ADAT3: variants seen among roughly 807,000 people sequenced by gnomAD.
ADAT3 encodes tRNA-specific adenosine-34 deaminase regulatory subunit ADAT3.
ADAT3 carries 2 observed loss-of-function variants against 3.5 expected under a neutral mutation model. The observed-to-expected ratio is 0.57, with a 90% CI of 0.23 to 1.79. The LOEUF (loss-of-function observed/expected upper bound fraction) is 1.79. Ranked by LOEUF, ADAT3 falls within the 40% of genes most tolerant of loss-of-function variation. ADAT3 has a pLI of 0.18. For missense variants in ADAT3, 735 were observed against 571.4 expected, an observed-to-expected ratio of 1.29 and a Z score of -2.92; for synonymous variants, 358 against 270.3, an observed-to-expected ratio of 1.32 and a Z score of -3.18.
At chr19:1,910,578 TTTTTTTTTTTTTTTTTTGA>T (rs1432626028) in intron 1 of ADAT3, among the ~76,000 whole-genome samples, 1 of 137,898 alleles carries the variant, frequency 7.3e-6, no homozygotes, top group Non-Finnish European at 1.5e-5. Context: ...GAGGTGTCTT[TTTTTTTTTTTTTTTTTTGA>T]GACAGAGTCT....
Position 1,913,168 on chromosome 19 carries a change from T to C in ADAT3, c.*17T>C, listed in dbSNP as rs2013590089. 6 of 1,502,956 alleles carry C rather than the reference T, an allele frequency of 4.0e-6. No homozygotes were observed. The highest frequency in any genetic ancestry group is 4.4e-6 in the Non-Finnish European group (5 of 1,127,164). The allele number at this position is 1,502,956 out of a possible 1,614,324, so 93.1% of individuals were successfully genotyped here. On this transcript the variant is annotated 3_prime_UTR_variant, in exon 2 of 2. Transcript: ENST00000329478. Reference sequence around the variant, plus strand: ...GACACGTAGGCGCCGCCCTCCTGCCTCCGGACCCTTCCCGCTCCCGGCCGT... The same window carrying C: ...GACACGTAGGCGCCGCCCTCCTGCCCCCGGACCCTTCCCGCTCCCGGCCGT...
In ADAT3 at chr19:1,912,242, C is replaced by A; in HGVS notation, c.195C>A (p.Pro65=). The A allele has an allele frequency of 6.3e-7, 1 of 1,596,896 alleles. No homozygotes were observed. Among genetic ancestry groups the A allele is most frequent in the East Asian group, 2.3e-5 (1 of 44,006 alleles). ...DVELVLAYAA[P]VLDKRQTSRL... ...AGCTGGTGCTGGCCTACGCCGCGCC[C>A]GTCCTGGACAAGCGCCAGACCTCAC... The change falls in exon 2 of 2, where the codon CCC becomes CCA. Residue 65 remains proline, a synonymous_variant. Transcript: ENST00000329478.
At position 1,913,436 on chromosome 19, in the gene ADAT3, G is replaced by T; in HGVS notation, c.*285G>T. 1 of 545,534 alleles carries T rather than the reference G, an allele frequency of 1.8e-6. No homozygotes were observed. The highest frequency in any genetic ancestry group is 3.3e-6 in the Non-Finnish European group (1 of 299,964). The allele number at this position is 545,534 out of a possible 1,614,324, so 33.8% of individuals were successfully genotyped here. Reference sequence around the variant, plus strand: ...AACTGCTCTGATGGGAAAATAAACAGCCCAAAACCAAGTGGGTGTCTGTTA... The same window carrying T: ...AACTGCTCTGATGGGAAAATAAACATCCCAAAACCAAGTGGGTGTCTGTTA... On this transcript the variant is annotated 3_prime_UTR_variant, in exon 2 of 2. Coordinates refer to ENST00000329478, the MANE Select transcript of ADAT3 (RefSeq NM_138422.4).
Position 1,912,027 on chromosome 19 carries a change from CCAGCCGCCCG to C in ADAT3, c.-12_-3del. ...CCGGGACGGACTCCCCGGCTCTCCC[CCAGCCGCCCG>C]CAGCCGCCGGATGATCCTCTGCTCC... On this transcript the variant is annotated 5_prime_UTR_variant, in exon 2 of 2. Coordinates refer to ENST00000329478, the MANE Select transcript of ADAT3 (RefSeq NM_138422.4). The C allele has an allele frequency of 2.8e-6, 4 of 1,417,882 alleles. No homozygotes were observed. Among genetic ancestry groups the C allele is most frequent in the Non-Finnish European group, 3.7e-6 (4 of 1,092,574 alleles). 87.8% of individuals were successfully genotyped at this position (1,417,882 alleles called of 1,614,324 possible).
chr19:1,908,083 C>T lies in ADAT3; in HGVS notation c.-159+2644C>T. 1 of 183,472 alleles carries T rather than the reference C, an allele frequency of 5.5e-6. No homozygotes were observed. The highest frequency in any genetic ancestry group is 9.6e-5 in the South Asian group (1 of 10,368). 11.4% of individuals were successfully genotyped at this position (183,472 alleles called of 1,614,324 possible). ...CAAGCGAGGCTGTGTTTGTCTTTTA[C>T]CCTGGAGACAGTGGAGTGTTTGTGG... On this transcript the variant is annotated intron_variant, in intron 1 of 1. Transcript: ENST00000329478. This position sits in a 1 kb window ranked among gnomAD's most constrained non-coding sequence, Gnocchi z 4.2.
rs2013606799 is a variant in ADAT3 at position 1,913,396 on chromosome 19, T to G, written c.*245T>G. On this transcript the variant is annotated 3_prime_UTR_variant, in exon 2 of 2. Transcript: ENST00000329478. ...CCTTGCTGCGTTTGTGTCCCCTCTG[T>G]CTCGCGGGCCGGGAAACTGCTCTGA... 8.2e-6 allele frequency: 5 copies of G among 608,780 alleles called. No homozygotes were observed. Among genetic ancestry groups the G allele is most frequent in the Non-Finnish European group, 1.4e-5 (5 of 345,612 alleles). The allele number at this position is 608,780 out of a possible 1,614,324, so 37.7% of individuals were successfully genotyped here.
chr19:1,911,066 G>T (rs536426587), intron 1 of ADAT3, among the ~76,000 whole-genome samples: 6 of 152,042 alleles, frequency 3.9e-5, no homozygotes, highest in African/African-American at 1.4e-4. Flanking sequence ...TAGTAGAGAC[G>T]GGGTTTCACC....
chr19:1,907,187 A>T (rs943112805), intron 1 of ADAT3: 6 of 151,372 alleles, frequency 4.0e-5, no homozygotes, highest in African/African-American at 1.5e-4. Context: ...ACTGTCCCAA[A>T]AAAAAAAAAG....
intron 1 of ADAT3, 83 bp downstream of exon 1, chr19:1,905,522 G>A: frequency 5.5e-6 from 2 of 361,706 alleles, no homozygotes; most frequent in South Asian, 3.6e-5. Flanking sequence ...GGGGGGTCTC[G>A]GCGGTGAGGG....
At position 1,912,414 on chromosome 19, in the gene ADAT3, G is replaced by T; in HGVS notation, c.367G>T (p.Ala123Ser). ...AGPASGPRSL[A>S]ELLPRPAVDP... ...GCCGGCCTCGGGCCCGCGCTCGCTG[G>T]CTGAGCTCCTGCCACGGCCGGCTGT... The change falls in exon 2 of 2, where the codon GCT becomes TCT. Residue 123 changes from alanine to serine, a missense_variant. Coordinates refer to ENST00000329478, the MANE Select transcript of ADAT3 (RefSeq NM_138422.4). 1 of 1,513,592 alleles carries T rather than the reference G, an allele frequency of 6.6e-7. No individual in the cohort carries two copies. Among genetic ancestry groups the T allele is most frequent in the Non-Finnish European group, 8.8e-7 (1 of 1,138,190 alleles). 93.8% of individuals were successfully genotyped at this position (1,513,592 alleles called of 1,614,324 possible).
rs770769059 is a variant in ADAT3 at position 1,912,205 on chromosome 19, CAG to C, written c.159_160del (p.Asp55ArgfsTer69). ...CTCCCTGTCCTGTCCGAGAAGCAGT[CAG>C]GGGACGTGGAGCTGGTGCTGGCCTA... On this transcript the variant is annotated frameshift_variant, in exon 2 of 2. Coordinates refer to ENST00000329478, the MANE Select transcript of ADAT3 (RefSeq NM_138422.4). LOFTEE classifies it low-confidence loss of function (END_TRUNC). 6.9e-6 allele frequency: 11 copies of C among 1,589,806 alleles called. No individual in the cohort carries two copies. The highest frequency in any genetic ancestry group is 4.0e-5 in the African/African-American group (3 of 74,506).
chr19:1,908,360 C>G lies in ADAT3; in HGVS notation c.-159+2921C>G. ...CTCCAAGGCCACTGGCCTGGAGTTC[C>G]ACTGGCTGCTGGTCCCCCATCTGTG... is the stretch of plus-strand genomic sequence containing the variant. On this transcript the variant is annotated intron_variant, in intron 1 of 1. Coordinates refer to ENST00000329478, the MANE Select transcript of ADAT3 (RefSeq NM_138422.4). The surrounding 1 kb of genome is among the most constrained non-coding windows in gnomAD (Gnocchi z 4.2). 2.6e-6 allele frequency: 1 copy of G among 389,042 alleles called. No individual in the cohort carries two copies. Among genetic ancestry groups the G allele is most frequent in the South Asian group, 1.9e-5 (1 of 52,358 alleles). The allele number at this position is 389,042 out of a possible 1,614,324, so 24.1% of individuals were successfully genotyped here.
Position 1,911,996 on chromosome 19 carries a change from G to T in ADAT3, c.-52G>T. ...AGCACGCCCTGCCTTGTGGAGCCACGGCCTCCCGGGACGGACTCCCCGGCT... is the reference window on the plus strand; with the variant it reads ...AGCACGCCCTGCCTTGTGGAGCCACTGCCTCCCGGGACGGACTCCCCGGCT... On this transcript the variant is annotated 5_prime_UTR_variant, in exon 2 of 2. Coordinates refer to ENST00000329478, the MANE Select transcript of ADAT3 (RefSeq NM_138422.4). 7.1e-7 allele frequency: 1 copy of T among 1,411,484 alleles called. No homozygotes were observed. The highest frequency in any genetic ancestry group is 1.5e-5 in the South Asian group (1 of 64,642). 87.4% of individuals were successfully genotyped at this position (1,411,484 alleles called of 1,614,324 possible).
chr19:1,906,866 TTGTGTGTG>T lies in ADAT3; in HGVS notation c.-159+1443_-159+1450del, dbSNP rs66848678. The stretch of plus-strand genomic sequence containing the variant: ...ACTCCGTCTCAAAAAAAAAAAAAAA[TTGTGTGTG>T]TGTGTGTGTGTGTGTAAAGAAACAA... On this transcript the variant is annotated intron_variant, in intron 1 of 1. Coordinates refer to ENST00000329478, the MANE Select transcript of ADAT3 (RefSeq NM_138422.4). The T allele has an allele frequency of 5.6e-4, 73 of 130,092 alleles. 1 individual carries two copies. The highest frequency in any genetic ancestry group is 4.4e-3 in the Middle Eastern group (1 of 226). 8.1% of individuals were successfully genotyped at this position (130,092 alleles called of 1,614,324 possible). A position where few individuals can be genotyped will look rare whatever the true frequency, so the allele number is the denominator to read the frequency against.
Position 1,913,078 on chromosome 19 carries a change from A to C in ADAT3, c.1031A>C (p.Asp344Ala). 1.2e-6 allele frequency: 2 copies of C among 1,601,278 alleles called. No individual in the cohort carries two copies. The highest frequency in any genetic ancestry group is 1.7e-6 in the Non-Finnish European group (2 of 1,178,354). ...CGCTTCCGCATCCACGCACGGCCCGACCTCAACCACCGCTTCCAGGTGTTC... is the reference window on the plus strand; with the variant it reads ...CGCTTCCGCATCCACGCACGGCCCGCCCTCAACCACCGCTTCCAGGTGTTC... ...GTRFRIHARPDLNHRFQVFRG... is the reference protein window; with the variant it reads ...GTRFRIHARPALNHRFQVFRG... The change falls in exon 2 of 2, where the codon GAC becomes GCC. Residue 344 changes from aspartate (D) to alanine (A), a missense_variant. Physicochemically the swap from Asp to Ala is moderately radical, Grantham distance 126 (BLOSUM62 -2). Transcript: ENST00000329478.
rs982884833 is a variant in ADAT3 at position 1,908,699 on chromosome 19, A to G, written c.-158-3191A>G. Reference sequence around the variant, plus strand: ...TTGAAAAAAGGAACAGGGTCTCTCTATCTTGCCCACGTTGGTCTCAAACTC... The same window carrying G: ...TTGAAAAAAGGAACAGGGTCTCTCTGTCTTGCCCACGTTGGTCTCAAACTC... On this transcript the variant is annotated intron_variant, in intron 1 of 1. Transcript: ENST00000329478. This position sits in a 1 kb window ranked among gnomAD's most constrained non-coding sequence, Gnocchi z 4.2. 5.2e-5 allele frequency: 21 copies of G among 402,092 alleles called. No homozygotes were observed. The highest frequency in any genetic ancestry group is 3.3e-4 in the South Asian group (18 of 53,980). The allele number at this position is 402,092 out of a possible 1,614,324, so 24.9% of individuals were successfully genotyped here. A position where few individuals can be genotyped will look rare whatever the true frequency, so the allele number is the denominator to read the frequency against.
Position 1,912,710 on chromosome 19 carries a change from C to A in ADAT3, c.663C>A (p.Asp221Glu). ...CCGTGGTAGTGGACCCGGCCTCGGACCGCGTGCTGGCCACCGGCCACGACT... is the reference window on the plus strand; with the variant it reads ...CCGTGGTAGTGGACCCGGCCTCGGAACGCGTGCTGGCCACCGGCCACGACT... Reference protein sequence around the residue: ...VGAVVVDPASDRVLATGHDCS... With the variant: ...VGAVVVDPASERVLATGHDCS... Residue 221 changes from aspartate to glutamate, a missense_variant, in exon 2 of 2, where the codon GAC becomes GAA. Physicochemically the swap from Asp to Glu is conservative, Grantham distance 45 (BLOSUM62 2). Transcript: ENST00000329478. The A allele has an allele frequency of 6.6e-7, 1 of 1,508,364 alleles. No individual in the cohort carries two copies. Among genetic ancestry groups the A allele is most frequent in the Admixed American group, 2.1e-5 (1 of 47,486 alleles). 93.4% of individuals were successfully genotyped at this position (1,508,364 alleles called of 1,614,324 possible). A position where few individuals can be genotyped will look rare whatever the true frequency, so the allele number is the denominator to read the frequency against.
At position 1,913,370 on chromosome 19, in the gene ADAT3, C is replaced by T. The variant is rs1395137683; in HGVS notation, c.*219C>T. On this transcript the variant is annotated 3_prime_UTR_variant, in exon 2 of 2. Transcript: ENST00000329478. ...TGCCAGCGGTGCCCTTCTGCGGCCG[C>T]CCTTGCTGCGTTTGTGTCCCCTCTG... is the stretch of plus-strand genomic sequence containing the variant. 3 of 683,718 alleles carry T rather than the reference C, an allele frequency of 4.4e-6. No homozygotes were observed. The highest frequency in any genetic ancestry group is 7.3e-6 in the Non-Finnish European group (3 of 409,526). 42.4% of individuals were successfully genotyped at this position (683,718 alleles called of 1,614,324 possible). A position where few individuals can be genotyped will look rare whatever the true frequency, so the allele number is the denominator to read the frequency against.
chr19:1,911,459 G>T (rs1269801873), intron 1 of ADAT3, among the ~76,000 whole-genome samples: 1 of 152,154 alleles, frequency 6.6e-6, no homozygotes, highest in Non-Finnish European at 1.5e-5. Context: ...GGCGTGAGCC[G>T]CTGGTACCTA....
Sources: gnomAD v4.1 joint callset for allele counts (sites outside exome capture counted in the v4.1 genomes callset) on GRCh38, gnomAD v4.1.1 for gene constraint, Gnocchi (gnomAD v3.1) non-coding constraint, MANE v1.5 for transcripts, NCBI Gene and HGNC (gene_info 2026-07-23, HGNC 2026-07-21) for gene names.